SLC26A9: variants seen among roughly 807,000 people sequenced by gnomAD.
SLC26A9 encodes solute carrier family 26 member 9.
Under a neutral mutation model 87.1 loss-of-function variants are expected in SLC26A9, and 46 were observed. The ratio of observed to expected loss-of-function variants is 0.53; its 90% CI spans 0.42 to 0.67. The LOEUF is 0.67. SLC26A9 is among the 30% of genes least tolerant of loss of function. The pLI is 0.00. For synonymous variants in SLC26A9, 437 were observed against 409.1 expected (o/e 1.07, Z -0.82); for missense variants, 927 against 1,018.3 (o/e 0.91, Z 1.22).
In SLC26A9 at chr1:205,923,422, C is replaced by T. The variant is rs769878614; in HGVS notation, c.1572G>A (p.Gln524=). 2 of 1,614,192 alleles carry T rather than the reference C, an allele frequency of 1.2e-6. No homozygotes were observed. The highest frequency in any genetic ancestry group is 1.7e-6 in the Non-Finnish European group (2 of 1,180,032). The change falls in exon 15 of 21, where the codon CAG becomes CAA. Residue 524 remains glutamine (Q), a synonymous_variant. Transcript: ENST00000367135. ...YVNPKTYNRA[Q]DIQGIKIITY... ...TGATGATTTTAATCCCCTGGATATCCTGGGCCTGTGACAGGGAGACTGAGC... is the reference window on the plus strand; with the variant it reads ...TGATGATTTTAATCCCCTGGATATCTTGGGCCTGTGACAGGGAGACTGAGC...
intron 1 of SLC26A9, among the ~76,000 whole-genome samples, chr1:205,941,476 A>G (rs6673820): frequency 0.59 from 90,255 of 152,036 alleles, 27,572 homozygotes; most frequent in East Asian, 0.94. Flanking sequence ...CAGCCCCCCA[A>G]GGCATTTTTA....
At position 205,931,465 on chromosome 1, in the gene SLC26A9, G is replaced by GCTTTTTTTTTT. The variant is rs1553270525; in HGVS notation, c.552+394_552+395insAAAAAAAAAAG. ...GAGGGAGGAGGTGAGCCCTAACTTG[G>GCTTTTTTTTTT]TTTTTTTTTTTTTTTTTTTGAGACG... On this transcript the variant is annotated intron_variant, in intron 5 of 20. Coordinates refer to ENST00000367135, the MANE Select transcript of SLC26A9 (RefSeq NM_052934.4). Among the ~76,000 whole-genome samples the GCTTTTTTTTTT allele has an allele frequency of 6.3e-5, 6 of 95,984 alleles. No homozygotes were observed. The East Asian group carries it at 1.1e-3, about 18-fold the overall frequency. 63.0% of individuals were successfully genotyped at this position (95,984 alleles called of 152,430 possible).
At chr1:205,919,835 C>A (rs931442308) in intron 18 of SLC26A9, among the ~76,000 whole-genome samples, 6 of 152,110 alleles carry the variant, frequency 3.9e-5, no homozygotes, top group Admixed American at 1.3e-4. Context: ...CTAGTCAACC[C>A]TCTCGTTTTA....
chr1:205,915,536 G>GTGTA, intron 20 of SLC26A9, 132 bp from the exon 21 acceptor site: 3 of 1,210,882 alleles, frequency 2.5e-6, no homozygotes, highest in Non-Finnish European at 3.5e-6. Flanking sequence ...GTGTGTGTGT[G>GTGTA]TGTGTGTGTG....
rs1344981323 is a variant in SLC26A9, at chr1:205,929,274, A to T, written c.800T>A (p.Val267Glu). 6.2e-7 allele frequency: 1 copy of T among 1,614,220 alleles called. No homozygotes were observed. Among genetic ancestry groups the T allele is most frequent in the East Asian group, 2.2e-5 (1 of 44,886 alleles). The change falls in exon 7 of 21, where the codon GTG becomes GAG. Residue 267 changes from valine (V) to glutamate (E), a missense_variant. Val to Glu is a moderately radical substitution (Grantham distance 121). Transcript: ENST00000367135. Reference sequence around the variant, plus strand: ...GCGAGCATTGAGCTCCTTCACCAGCACCAGGAAGGCACCGCTGATGAGAGC... The same window carrying T: ...GCGAGCATTGAGCTCCTTCACCAGCTCCAGGAAGGCACCGCTGATGAGAGC... ...IFALISGAFL[V>E]LVKELNARYM...
intron 12 of SLC26A9, among the ~76,000 whole-genome samples, chr1:205,926,101 A>G (rs1236470581): frequency 6.6e-6 from 1 of 151,770 alleles, no homozygotes; most frequent in East Asian, 1.9e-4. Flanking sequence ...CTCTGGCTTT[A>G]TGTTCTAGGT....
Position 205,917,265 on chromosome 1 carries a change from C to T in SLC26A9, c.2328+18G>A. ...CTTCGCCCTGCTCCCACCCTCACAG[C>T]CCCTTCCCTCAGCTCACCTGCTCTA... On this transcript the variant is annotated intron_variant, in intron 20 of 20. Coordinates refer to ENST00000367135, the MANE Select transcript of SLC26A9 (RefSeq NM_052934.4). The T allele has an allele frequency of 1.9e-6, 3 of 1,613,806 alleles. No individual in the cohort carries two copies. In the Middle Eastern group the frequency reaches 4.9e-4, roughly 266 times the overall value.
In SLC26A9 at chr1:205,931,554, C is replaced by T. The variant is rs989333844; in HGVS notation, c.552+306G>A. Among the ~76,000 whole-genome samples the T allele has an allele frequency of 2.0e-5, 3 of 148,298 alleles. No homozygotes were observed. The Admixed American group carries it at 2.0e-4, about 10-fold the overall frequency. ...CGATCTCGGCTCACTGCAACCTCTGCCTCCCGGATTCAAGTGATTCTCCTG... is the reference window on the plus strand; with the variant it reads ...CGATCTCGGCTCACTGCAACCTCTGTCTCCCGGATTCAAGTGATTCTCCTG... On this transcript the variant is annotated intron_variant, in intron 5 of 20. Transcript: ENST00000367135.
rs1321338169 is a variant in SLC26A9 at position 205,930,031 on chromosome 1, C to T, written c.578G>A (p.Gly193Asp). 1.2e-6 allele frequency: 2 copies of T among 1,611,958 alleles called. No individual in the cohort carries two copies. The highest frequency in any genetic ancestry group is 2.2e-5 in the East Asian group (1 of 44,830). The change falls in exon 6 of 21, where the codon GGC becomes GAC. Residue 193 changes from glycine to aspartate, a missense_variant. Coordinates refer to ENST00000367135, the MANE Select transcript of SLC26A9 (RefSeq NM_052934.4). ...IQMGLGFMQF[G>D]FVAIYLSESF... ...CTCGGAGAGGTAGATGGCCACAAAG[C>T]CAAACTGCATGAAGCCCAGACCCAT...
intron 5 of SLC26A9, among the ~76,000 whole-genome samples, chr1:205,931,557 C>G (rs1320186164): frequency 2.0e-5 from 3 of 148,424 alleles, no homozygotes. Flanking sequence ...ACCTCTGCCT[C>G]CCGGATTCAA....
intron 2 of SLC26A9, among the ~76,000 whole-genome samples, chr1:205,933,467 C>T (rs1165028853): frequency 1.3e-5 from 2 of 152,182 alleles, no homozygotes; most frequent in Admixed American, 6.5e-5. Context: ...CACCTTGGCT[C>T]CTGCCGCTGT....
intron 5 of SLC26A9, among the ~76,000 whole-genome samples, chr1:205,931,484 T>TTTTTTTTTTTTTG (rs71152459): frequency 8.2e-6 from 1 of 121,546 alleles, no homozygotes; most frequent in Admixed American, 9.4e-5. Flanking sequence ...TTTTTTTTTT[T>TTTTTTTTTTTTTG]GAGACGGAGT....
At chr1:205,920,947 A>G (rs938670059) in intron 17 of SLC26A9, among the ~76,000 whole-genome samples, 1 of 152,262 alleles carries the variant, frequency 6.6e-6, no homozygotes, top group African/African-American at 2.4e-5. Context: ...CTGAGGCCCA[A>G]GGCTGGGTAT....
Position 205,917,896 on chromosome 1 carries a change from C to T in SLC26A9, c.2257-542G>A, listed in dbSNP as rs182283424. Among the ~76,000 whole-genome samples, 50 of 152,292 alleles carry T rather than the reference C, an allele frequency of 3.3e-4. No homozygotes were observed. In the East Asian group the frequency reaches 9.6e-3, roughly 29 times the overall value. The stretch of plus-strand genomic sequence containing the variant: ...ATGATTAGGGCACTAACAACTAATG[C>T]AGCTTCCTCCAGAATCTCCCTCTTT... On this transcript the variant is annotated intron_variant, in intron 19 of 20. Transcript: ENST00000367135.
intron 16 of SLC26A9, among the ~76,000 whole-genome samples, chr1:205,922,786 C>T (rs1258402761): frequency 1.3e-5 from 2 of 152,126 alleles, no homozygotes; most frequent in African/African-American, 2.4e-5. Flanking sequence ...GTAATCTCAG[C>T]GACTTGGGAG....
At chr1:205,938,886 G>A (rs926390415) in intron 1 of SLC26A9, among the ~76,000 whole-genome samples, 2 of 152,324 alleles carry the variant, frequency 1.3e-5, no homozygotes, top group Admixed American at 6.5e-5. Flanking sequence ...CAGGGGTGGT[G>A]GAAGTCCTTC....
Position 205,914,815 on chromosome 1 carries a change from T to A in SLC26A9, c.*542A>T, listed in dbSNP as rs1658505586. ...ACTCCTGGGTGTGGAGAGCACATGG[T>A]CCCTGGGTGCAGAGCTGCCAGAGAC... On this transcript the variant is annotated 3_prime_UTR_variant, in exon 21 of 21. Coordinates refer to ENST00000367135, the MANE Select transcript of SLC26A9 (RefSeq NM_052934.4). 1.3e-6 allele frequency: 2 copies of A among 1,534,752 alleles called. No homozygotes were observed. The highest frequency in any genetic ancestry group is 1.9e-5 in the Admixed American group (1 of 53,660).
At chr1:205,937,478 G>A (rs914579856) in intron 1 of SLC26A9, among the ~76,000 whole-genome samples, 1 of 152,190 alleles carries the variant, frequency 6.6e-6, no homozygotes, top group Non-Finnish European at 1.5e-5. Flanking sequence ...GATGACCTGG[G>A]TTCAAAGATT....
intron 1 of SLC26A9, among the ~76,000 whole-genome samples, chr1:205,937,430 C>T (rs965198551): frequency 2.0e-5 from 3 of 152,094 alleles, no homozygotes; most frequent in African/African-American, 7.2e-5. Flanking sequence ...AATGAGAGAC[C>T]GGGTGGCTTA....
Sources: gnomAD v4.1 joint callset for allele counts (sites outside exome capture counted in the v4.1 genomes callset) on GRCh38, gnomAD v4.1.1 for gene constraint, MANE v1.5 for transcripts, NCBI Gene and HGNC (gene_info 2026-07-23, HGNC 2026-07-21) for gene names.